The following FER1L6 variants were observed in gnomAD, a reference collection of about 807,000 sequenced individuals.
FER1L6 encodes the protein fer-1 like family member 6.
FER1L6 carries 177 observed loss-of-function variants against 219.2 expected under a neutral mutation model. The ratio of observed to expected loss-of-function variants is 0.81; its 90% CI spans 0.71 to 0.91. The LOEUF is 0.91. Ranked by LOEUF, FER1L6 falls within the 40% of genes least tolerant of loss-of-function variation. The pLI, the probability that FER1L6 is intolerant of heterozygous loss-of-function variation, is 0.00. For missense variants in FER1L6, 2,153 were observed against 2,259.9 expected (o/e 0.95, Z 0.96); for synonymous variants, 768 against 824.3 (o/e 0.93, Z 1.17).
At chr8:124,116,227 G>A (rs188731484) in intron 39 of FER1L6, among the ~76,000 whole-genome samples, 7 of 152,248 alleles carry the variant, frequency 4.6e-5, no homozygotes, top group African/African-American at 2.4e-5. Context: ...TAATAAAAAC[G>A]CCATCTACTT....
At position 124,106,354 on chromosome 8, in the gene FER1L6, A is replaced by C. The variant is rs1025056487; in HGVS notation, c.5289+3045A>C. On this transcript the variant is annotated intron_variant, in intron 39 of 40. Transcript: ENST00000522917. ...AAAAAAAAAAAAAAAAAAAAAAAAA[A>C]AAAAAAACAGAGTGGACGTTATGAT... Among the ~76,000 whole-genome samples, 121 of 150,420 alleles carry C rather than the reference A, an allele frequency of 8.0e-4. 2 individuals are homozygous for C. In the East Asian group the frequency reaches 0.014, roughly 17 times the overall value.
chr8:123,914,573 A>G (rs1335630398), intron 1 of FER1L6, among the ~76,000 whole-genome samples: 3 of 152,204 alleles, frequency 2.0e-5, no homozygotes, highest in East Asian at 3.8e-4. Flanking sequence ...TCAATTACTC[A>G]GAAACTCAGA....
intron 17 of FER1L6, among the ~76,000 whole-genome samples, chr8:124,022,358 CAG>C (rs1454720772): frequency 6.6e-6 from 1 of 152,214 alleles, no homozygotes; most frequent in African/African-American, 2.4e-5. Context: ...ATTGGAAAGA[CAG>C]AGCATCTGCT....
At chr8:123,913,105 G>T (rs60865882) in intron 1 of FER1L6, among the ~76,000 whole-genome samples, 12,812 of 152,074 alleles carry the variant, frequency 0.084, 790 homozygotes, top group African/African-American at 0.17. Flanking sequence ...GTGTTTTATT[G>T]CTTGTTTCTG....
At chr8:124,023,019 G>T (rs575019308) in intron 17 of FER1L6, among the ~76,000 whole-genome samples, 1 of 152,122 alleles carries the variant, frequency 6.6e-6, no homozygotes, top group Non-Finnish European at 1.5e-5. Flanking sequence ...GGGTTCAAGC[G>T]ATTCTTCTGC....
intron 1 of FER1L6, among the ~76,000 whole-genome samples, chr8:123,884,335 G>A (rs897522541): frequency 6.6e-6 from 1 of 152,134 alleles, no homozygotes; most frequent in Non-Finnish European, 1.5e-5. Context: ...GCAGTAAGTG[G>A]CTTGCTCCCA....
chr8:124,067,785 A>C lies in FER1L6; in HGVS notation c.3697A>C (p.Lys1233Gln). The change falls in exon 28 of 41, where the codon AAG becomes CAG. Residue 1233 changes from lysine to glutamine, a missense_variant. Transcript: ENST00000522917. ...KAQKAKERNPKGKKGNTEAKP... is the reference protein window; with the variant it reads ...KAQKAKERNPQGKKGNTEAKP... ...TTCAAAGGCAAAGGAGAGAAATCCC[A>C]AGGGAAAAAAAGGCAATACAGGTAA... 1 of 1,612,576 alleles carries C rather than the reference A, an allele frequency of 6.2e-7. No individual in the cohort carries two copies. The highest frequency in any genetic ancestry group is 1.1e-5 in the South Asian group (1 of 91,042).
intron 1 of FER1L6, among the ~76,000 whole-genome samples, chr8:123,917,813 C>T (rs186859555): frequency 1.4e-4 from 21 of 152,252 alleles, no homozygotes; most frequent in African/African-American, 4.6e-4. Context: ...ACTTTTCCTC[C>T]GAACATTATC....
At chr8:123,923,138 C>T (rs1015703970) in intron 1 of FER1L6, among the ~76,000 whole-genome samples, 4 of 152,202 alleles carry the variant, frequency 2.6e-5, no homozygotes, top group African/African-American at 9.6e-5. Context: ...GAGGCCCAAG[C>T]AGGTGTTTTG....
Position 123,966,112 on chromosome 8 carries a change from A to G in FER1L6, c.253-47A>G, listed in dbSNP as rs147026034. The G allele has an allele frequency of 1.7e-4, 269 of 1,613,806 alleles. No homozygotes were observed. The African/African-American group carries it at 3.3e-3, about 20-fold the overall frequency. On this transcript the variant is annotated intron_variant, in intron 4 of 40. Transcript: ENST00000522917. ...GCCTCCCCCAGTGCTTCCTGTGTGC[A>G]TGGATGGCGGTGTCCGGAATGGTGT...
intron 33 of FER1L6, among the ~76,000 whole-genome samples, chr8:124,082,685 G>A (rs1301382726): frequency 6.6e-6 from 1 of 152,140 alleles, no homozygotes; most frequent in African/African-American, 2.4e-5. Flanking sequence ...ACCAAGGGCA[G>A]GTTCTTCAAG....
At chr8:123,896,698 T>A (rs770545975) in intron 1 of FER1L6, among the ~76,000 whole-genome samples, 10 of 152,184 alleles carry the variant, frequency 6.6e-5, no homozygotes, top group Non-Finnish European at 1.3e-4. Context: ...TGTTCTTCCT[T>A]CTTAAAGACA....
intron 1 of FER1L6, among the ~76,000 whole-genome samples, chr8:123,884,765 C>T (rs1192080323): frequency 1.3e-5 from 2 of 152,140 alleles, no homozygotes; most frequent in African/African-American, 2.4e-5. Flanking sequence ...AAATCCCTGC[C>T]CTGGCTGGCC....
chr8:123,880,894 T>C (rs1192948068), intron 1 of FER1L6, among the ~76,000 whole-genome samples: 2 of 142,132 alleles, frequency 1.4e-5, no homozygotes, highest in Non-Finnish European at 3.1e-5. Flanking sequence ...CTAACACACA[T>C]ATCAGGATCC....
At chr8:123,916,584 T>C (rs940010181) in intron 1 of FER1L6, among the ~76,000 whole-genome samples, 2 of 152,228 alleles carry the variant, frequency 1.3e-5, no homozygotes, top group Non-Finnish European at 2.9e-5. Context: ...TTATAAATAG[T>C]TCTTGGAGTA....
intron 12 of FER1L6, among the ~76,000 whole-genome samples, chr8:124,002,237 G>A (rs113012661): frequency 3.3e-5 from 5 of 152,318 alleles, no homozygotes; most frequent in African/African-American, 1.2e-4. Context: ...TATTAGCAGT[G>A]ATCTCAGTAT....
At chr8:123,860,069 C>T (rs1816719350) in intron 1 of FER1L6, among the ~76,000 whole-genome samples, 1 of 140,744 alleles carries the variant, frequency 7.1e-6, no homozygotes, top group Non-Finnish European at 1.5e-5. Flanking sequence ...CATGCTGGTG[C>T]ACTGCACCCA....
intron 21 of FER1L6, chr8:124,046,609 A>G (rs1819750613): frequency 6.6e-6 from 1 of 152,172 alleles, no homozygotes; most frequent in East Asian, 1.9e-4. Context: ...AAGCACAAAT[A>G]TATTAAGTAA....
At chr8:123,860,213 G>C (rs967515895) in intron 1 of FER1L6, among the ~76,000 whole-genome samples, 1 of 80,790 alleles carries the variant, frequency 1.2e-5, no homozygotes, top group African/African-American at 5.6e-5. Flanking sequence ...TCCCACCTAT[G>C]AGTGAGAATA....
Sources: gnomAD v4.1 joint callset for allele counts (sites outside exome capture counted in the v4.1 genomes callset) on GRCh38, gnomAD v4.1.1 for gene constraint, MANE v1.5 for transcripts, NCBI Gene and HGNC (gene_info 2026-07-23, HGNC 2026-07-21) for gene names.